LNP1: variants seen among roughly 807,000 people sequenced by gnomAD.
LNP1 encodes leukemia NUP98 fusion partner 1.
LNP1 carries 12 observed loss-of-function variants against 14.5 expected under a neutral mutation model. That is an observed-to-expected ratio of 0.83 (90% CI 0.53 to 1.34). The LOEUF is 1.34. Ranked by LOEUF, LNP1 falls within the 40% of genes most tolerant of loss-of-function variation. LNP1 has a pLI of 0.00. For synonymous variants in LNP1, 75 were observed against 71.4 expected (o/e 1.05, Z -0.26); for missense variants, 198 against 210.9 (o/e 0.94, Z 0.38).
chr3:100,421,715 G>T (rs1287897228), intron 1 of LNP1, among the ~76,000 whole-genome samples: 1 of 152,060 alleles, frequency 6.6e-6, no homozygotes, highest in African/African-American at 2.4e-5. Context: ...AGAAATTTCT[G>T]GGTCAAAGGA....
chr3:100,422,739 T>C (rs1707156406), intron 1 of LNP1, among the ~76,000 whole-genome samples: 2 of 151,506 alleles, frequency 1.3e-5, no homozygotes, highest in Admixed American at 1.3e-4. Flanking sequence ...CCAAGGTAAC[T>C]GGATATTTAT....
intron 2 of LNP1, among the ~76,000 whole-genome samples, chr3:100,434,258 G>T (rs1215954953): frequency 6.6e-6 from 1 of 152,108 alleles, no homozygotes; most frequent in African/African-American, 2.4e-5. Context: ...TGTAAGGAAG[G>T]GGTCCAGTTT....
At chr3:100,417,645 C>T (rs561629437) in intron 1 of LNP1, among the ~76,000 whole-genome samples, 25 of 152,180 alleles carry the variant, frequency 1.6e-4, no homozygotes, top group African/African-American at 6.0e-4. Flanking sequence ...CTTCAAAATG[C>T]TGGGATTACA....
intron 1 of LNP1, among the ~76,000 whole-genome samples, chr3:100,418,708 C>T (rs184347891): frequency 1.3e-5 from 2 of 152,110 alleles, no homozygotes; most frequent in Non-Finnish European, 2.9e-5. Flanking sequence ...CCGCTCTTTT[C>T]TTTATCTCTG....
chr3:100,408,696 C>T (rs73860607), intron 1 of LNP1, among the ~76,000 whole-genome samples: 2,506 of 152,090 alleles, frequency 0.016, 70 homozygotes, highest in African/African-American at 0.055. Context: ...GGGGGTCTAC[C>T]CAGTGCTGAG....
At chr3:100,427,613 C>G (rs1310904566) in intron 1 of LNP1, among the ~76,000 whole-genome samples, 4 of 152,174 alleles carry the variant, frequency 2.6e-5, no homozygotes, top group Admixed American at 2.6e-4. Context: ...AATCCCACTT[C>G]TGATAGTAGC....
intron 2 of LNP1, among the ~76,000 whole-genome samples, chr3:100,430,245 C>T (rs1273600743): frequency 1.3e-5 from 2 of 152,106 alleles, no homozygotes; most frequent in Non-Finnish European, 2.9e-5. Flanking sequence ...GTGTGATTTC[C>T]GTTTGAAATA....
intron 2 of LNP1, among the ~76,000 whole-genome samples, chr3:100,442,871 A>G (rs1349547693): frequency 6.6e-6 from 1 of 152,214 alleles, no homozygotes; most frequent in Non-Finnish European, 1.5e-5. Context: ...GTTTATTCCT[A>G]GACAGGTAGG....
intron 1 of LNP1, among the ~76,000 whole-genome samples, chr3:100,425,120 C>T (rs947074268): frequency 6.6e-6 from 1 of 152,144 alleles, no homozygotes; most frequent in Non-Finnish European, 1.5e-5. Context: ...GATAGGTACA[C>T]AGGAAGGACA....
At chr3:100,425,638 T>G (rs756115737) in intron 1 of LNP1, among the ~76,000 whole-genome samples, 3 of 152,190 alleles carry the variant, frequency 2.0e-5, no homozygotes, top group Non-Finnish European at 4.4e-5. Flanking sequence ...CCAGCCATTG[T>G]TTATTCTTAT....
chr3:100,409,593 T>C (rs58315374), intron 1 of LNP1, among the ~76,000 whole-genome samples: 8,392 of 99,882 alleles, frequency 0.084, 401 homozygotes, highest in African/African-American at 0.22. Flanking sequence ...CACACACACA[T>C]ATATATATAT....
chr3:100,408,977 T>C (rs1377298729), intron 1 of LNP1, among the ~76,000 whole-genome samples: 2 of 152,240 alleles, frequency 1.3e-5, no homozygotes, highest in Non-Finnish European at 2.9e-5. Context: ...AATTCATATT[T>C]CTCTGTGGGA....
rs145865586 is a variant in LNP1, at chr3:100,426,955, T to G, written c.-33-2742T>G. ...TATAGACACAGAATAGAAGCCATTT[T>G]AAAAAATCTCTCTTTTTTTCATTGC... On this transcript the variant is annotated intron_variant, in intron 1 of 3. Transcript: ENST00000383693. 3.5e-3 allele frequency among the ~76,000 whole-genome samples: 526 copies of G among 152,262 alleles called. 4 individuals carry two copies. Among genetic ancestry groups the G allele is most frequent in the Middle Eastern group, 0.014 (4 of 294 alleles).
At chr3:100,445,335 C>G (rs1486645108) in intron 2 of LNP1, among the ~76,000 whole-genome samples, 1 of 152,150 alleles carries the variant, frequency 6.6e-6, no homozygotes, top group South Asian at 2.1e-4. Flanking sequence ...ATTTCACACA[C>G]CCACCTCTTC....
At chr3:100,403,460 G>T (rs1167590166) in intron 1 of LNP1, among the ~76,000 whole-genome samples, 2 of 151,910 alleles carry the variant, frequency 1.3e-5, no homozygotes. Context: ...GGTTGTGGAA[G>T]ACCTGAGTTT....
intron 2 of LNP1, among the ~76,000 whole-genome samples, chr3:100,433,421 G>C (rs1263803579): frequency 6.6e-6 from 1 of 152,142 alleles, no homozygotes; most frequent in Non-Finnish European, 1.5e-5. Flanking sequence ...TGGCTGCATG[G>C]TATTCCATGG....
At chr3:100,414,754 G>A (rs1484548165) in intron 1 of LNP1, among the ~76,000 whole-genome samples, 2 of 152,154 alleles carry the variant, frequency 1.3e-5, no homozygotes. Context: ...GTGAGAAAAT[G>A]TCCTACAACT....
chr3:100,410,559 A>G (rs752166562), intron 1 of LNP1, among the ~76,000 whole-genome samples: 64 of 152,180 alleles, frequency 4.2e-4, no homozygotes, highest in Non-Finnish European at 8.1e-4. Context: ...AAAATGCAAG[A>G]GGAGAGAGGT....
chr3:100,436,259 A>G (rs1023056709), intron 2 of LNP1, among the ~76,000 whole-genome samples: 1 of 151,996 alleles, frequency 6.6e-6, no homozygotes, highest in Non-Finnish European at 1.5e-5. Context: ...CAGTGTTAGG[A>G]TCTCTATTTT....
Sources: gnomAD v4.1 joint callset for allele counts (sites outside exome capture counted in the v4.1 genomes callset) on GRCh38, gnomAD v4.1.1 for gene constraint, MANE v1.5 for transcripts, NCBI Gene and HGNC (gene_info 2026-07-23, HGNC 2026-07-21) for gene names.